ARL1: variants seen among roughly 807,000 people sequenced by gnomAD.
ARL1 encodes the protein ADP-ribosylation factor-like protein 1.
In ARL1, 17 loss-of-function variants were observed where a neutral mutation model predicts 30.1. The ratio of observed to expected loss-of-function variants is 0.56; its 90% CI spans 0.39 to 0.85. The LOEUF (loss-of-function observed/expected upper bound fraction) is 0.85, where lower values mean the gene tolerates loss of function less well. Among genes scored for constraint, ARL1 ranks in the 40% least tolerant of loss-of-function variants. The probability of loss-of-function intolerance (pLI) is 0.00; values close to 1 mark genes in which losing one functional copy is unlikely to be tolerated. For missense variants in ARL1, 102 were observed against 212.6 expected (o/e 0.48, Z 3.24); for synonymous variants, 58 against 71.7 (o/e 0.81, Z 0.97).
Position 101,395,576 on chromosome 12 carries a change from T to G in ARL1, c.*64A>C. On this transcript the variant is annotated 3_prime_UTR_variant, in exon 6 of 6. Transcript: ENST00000261636. The stretch of plus-strand genomic sequence containing the variant: ...TAACATCTAGTAGTGTGAAGTACAC[T>G]TGACTGTTTCCAAAGGGAGAGAGGT... 1 of 1,342,072 alleles carries G rather than the reference T, an allele frequency of 7.5e-7. No homozygotes were observed. The highest frequency in any genetic ancestry group is 1.3e-5 in the South Asian group (1 of 79,506). The allele number at this position is 1,342,072 out of a possible 1,614,324, so 83.1% of individuals were successfully genotyped here. A position where few individuals can be genotyped will look rare whatever the true frequency, so the allele number is the denominator to read the frequency against.
chr12:101,400,118 T>C (rs545264973), intron 4 of ARL1, among the ~76,000 whole-genome samples: 13 of 151,978 alleles, frequency 8.6e-5, no homozygotes, highest in Non-Finnish European at 1.8e-4. Context: ...TCAGTAGAGA[T>C]GAGGTTTCAC....
chr12:101,405,101 C>T (rs960285863), intron 2 of ARL1, among the ~76,000 whole-genome samples: 25 of 152,156 alleles, frequency 1.6e-4, no homozygotes, highest in African/African-American at 5.8e-4. Flanking sequence ...CAACTCCCGA[C>T]CTCAGGTGAT....
Position 101,393,483 on chromosome 12 carries a change from T to A in ARL1, c.*2157A>T, listed in dbSNP as rs1236955283. On this transcript the variant is annotated 3_prime_UTR_variant, in exon 6 of 6. Transcript: ENST00000261636. ...GATTTCAAGTTTGGTGTTTTACCCA[T>A]TGCCAGGCCTCTCATAAAACAATAT... 6.6e-6 allele frequency: 1 copy of A among 152,214 alleles called. No homozygotes were observed. The highest frequency in any genetic ancestry group is 2.4e-5 in the African/African-American group (1 of 41,452). The allele number at this position is 152,214 out of a possible 1,614,324, so 9.4% of individuals were successfully genotyped here. A position where few individuals can be genotyped will look rare whatever the true frequency, so the allele number is the denominator to read the frequency against.
At chr12:101,406,169 C>T (rs1336344362) in intron 1 of ARL1, among the ~76,000 whole-genome samples, 188 bp from the exon 2 acceptor site, 14 of 152,162 alleles carry the variant, frequency 9.2e-5, no homozygotes, top group Admixed American at 9.2e-4. Flanking sequence ...AGTTATGTTA[C>T]TATGTCCTTA....
intron 4 of ARL1, among the ~76,000 whole-genome samples, chr12:101,400,801 T>C (rs545667588): frequency 5.9e-5 from 9 of 152,332 alleles, no homozygotes; most frequent in African/African-American, 2.2e-4. Context: ...TTAGAATAGA[T>C]GCTTTTGTTT....
At chr12:101,404,865 T>C (rs1237546407) in intron 2 of ARL1, among the ~76,000 whole-genome samples, 2 of 152,190 alleles carry the variant, frequency 1.3e-5, no homozygotes, top group Non-Finnish European at 2.9e-5. Context: ...TTAATAAATA[T>C]ATACATATAC....
chr12:101,398,156 G>A (rs1871200409), intron 4 of ARL1, among the ~76,000 whole-genome samples: 1 of 151,938 alleles, frequency 6.6e-6, no homozygotes, highest in East Asian at 2.0e-4. Flanking sequence ...CCAGCACTTT[G>A]GGAGGCTGAG....
chr12:101,394,268 A>T lies in ARL1; in HGVS notation c.*1372T>A, dbSNP rs934151905. The T allele has an allele frequency of 6.6e-6, 1 of 152,190 alleles. No individual in the cohort carries two copies. The highest frequency in any genetic ancestry group is 1.5e-5 in the Non-Finnish European group (1 of 68,034). The allele number at this position is 152,190 out of a possible 1,614,324, so 9.4% of individuals were successfully genotyped here. On this transcript the variant is annotated 3_prime_UTR_variant, in exon 6 of 6. Coordinates refer to ENST00000261636, the MANE Select transcript of ARL1 (RefSeq NM_001177.6). ...AAGAAAGGAACTACTAATGTTTCTG[A>T]GACCTGCAGGGAACCATGGTATTAA...
chr12:101,393,830 C>T lies in ARL1; in HGVS notation c.*1810G>A, dbSNP rs11555441. On this transcript the variant is annotated 3_prime_UTR_variant, in exon 6 of 6. Transcript: ENST00000261636. ...TTATAAGCCTCAGGCTGTAAGTGAA[C>T]TTGCTTTCTGCATTTTCCAGCCATG... is the stretch of plus-strand genomic sequence containing the variant. The T allele has an allele frequency of 0.18, 27,133 of 152,042 alleles. 3,012 individuals are homozygous for T. The highest frequency in any genetic ancestry group is 0.37 in the East Asian group (1,904 of 5,168). 9.4% of individuals were successfully genotyped at this position (152,042 alleles called of 1,614,324 possible).
intron 4 of ARL1, among the ~76,000 whole-genome samples, chr12:101,399,583 C>G (rs1452812328): frequency 1.3e-5 from 2 of 149,698 alleles, no homozygotes; most frequent in African/African-American, 5.0e-5. Flanking sequence ...ATGCTTTTAC[C>G]TAGGTATCAA....
intron 4 of ARL1, among the ~76,000 whole-genome samples, chr12:101,399,216 G>A (rs1871233763): frequency 6.6e-6 from 1 of 152,060 alleles, no homozygotes; most frequent in Admixed American, 6.6e-5. Context: ...AAAGTCCTGG[G>A]CTGAGCGCGG....
At position 101,396,483 on chromosome 12, in the gene ARL1, C is replaced by T. The variant is rs1428802587; in HGVS notation, c.431G>A (p.Gly144Glu). The T allele has an allele frequency of 1.5e-5, 25 of 1,613,846 alleles. No homozygotes were observed. The Admixed American group carries it at 4.2e-4, about 27-fold the overall frequency. ...TTTTCGGTCCTTCAAGGCAGGTAACCCAAGTGAATTTGCCATCTCTGAGGA... is the reference window on the plus strand; with the variant it reads ...TTTTCGGTCCTTCAAGGCAGGTAACTCAAGTGAATTTGCCATCTCTGAGGA... ...MTSSEMANSL[G>E]LPALKDRKWQ... Residue 144 changes from glycine to glutamate, a missense_variant, in exon 5 of 6, where the codon GGG (glycine) becomes GAG (glutamate). Gly to Glu is a moderately conservative substitution (Grantham distance 98). Coordinates refer to ENST00000261636, the MANE Select transcript of ARL1 (RefSeq NM_001177.6).
intron 3 of ARL1, among the ~76,000 whole-genome samples, chr12:101,402,644 C>T (rs559492448): frequency 2.0e-5 from 3 of 152,216 alleles, no homozygotes; most frequent in South Asian, 4.1e-4. Flanking sequence ...TTGAGATTTT[C>T]GTGAAAAGAT....
At position 101,393,653 on chromosome 12, in the gene ARL1, G is replaced by A. The variant is rs1871070403; in HGVS notation, c.*1987C>T. On this transcript the variant is annotated 3_prime_UTR_variant, in exon 6 of 6. Coordinates refer to ENST00000261636, the MANE Select transcript of ARL1 (RefSeq NM_001177.6). ...ATCCTATTCTTTGTGATAAACCAGA[G>A]GGATCAGGCTTAACCAAGTGCTGAA... The A allele has an allele frequency of 3.3e-5, 5 of 152,252 alleles. No individual in the cohort carries two copies. In the South Asian group the frequency reaches 1.0e-3, roughly 32 times the overall value. 9.4% of individuals were successfully genotyped at this position (152,252 alleles called of 1,614,324 possible).
chr12:101,399,749 GATTA>G (rs1871253418), intron 4 of ARL1, among the ~76,000 whole-genome samples: 2 of 151,674 alleles, frequency 1.3e-5, no homozygotes, highest in South Asian at 4.2e-4. Context: ...TTTAAAAATG[GATTA>G]TTTAATGCAT....
chr12:101,393,961 A>G lies in ARL1; in HGVS notation c.*1679T>C, dbSNP rs1871079032. ...AACTATGAACATATTCTGAAATGCCATATGCCAGGCGCCATACCAGATACT... is the reference window on the plus strand; with the variant it reads ...AACTATGAACATATTCTGAAATGCCGTATGCCAGGCGCCATACCAGATACT... On this transcript the variant is annotated 3_prime_UTR_variant, in exon 6 of 6. Coordinates refer to ENST00000261636, the MANE Select transcript of ARL1 (RefSeq NM_001177.6). The G allele has an allele frequency of 6.6e-6, 1 of 151,436 alleles. No homozygotes were observed. Among genetic ancestry groups the G allele is most frequent in the Non-Finnish European group, 1.5e-5 (1 of 67,960 alleles). The allele number at this position is 151,436 out of a possible 1,614,324, so 9.4% of individuals were successfully genotyped here.
Position 101,407,622 on chromosome 12 carries a change from GC to G in ARL1, c.4+19del. The G allele has an allele frequency of 6.2e-7, 1 of 1,610,204 alleles. No individual in the cohort carries two copies. The highest frequency in any genetic ancestry group is 1.1e-5 in the South Asian group (1 of 91,052). ...GCGGCTCCCTCGAGCGCGCCCAGGTGCCCTTCTCGAACCCCTCACCCATGAT... is the reference window on the plus strand; with the variant it reads ...GCGGCTCCCTCGAGCGCGCCCAGGTGCCTTCTCGAACCCCTCACCCATGAT... On this transcript the variant is annotated intron_variant, in intron 1 of 5. Coordinates refer to ENST00000261636, the MANE Select transcript of ARL1 (RefSeq NM_001177.6).
intron 2 of ARL1, among the ~76,000 whole-genome samples, chr12:101,405,117 C>T (rs904023139): frequency 2.8e-4 from 42 of 152,138 alleles, no homozygotes; most frequent in Admixed American, 9.8e-4. Context: ...GTGATCCACC[C>T]GCCTTGGCCT....
intron 4 of ARL1, among the ~76,000 whole-genome samples, chr12:101,398,896 C>T (rs552561451): frequency 6.6e-6 from 1 of 152,234 alleles, no homozygotes; most frequent in East Asian, 1.9e-4. Context: ...CCTAACACTG[C>T]AAGTAACAAC....
Sources: allele counts gnomAD v4.1 joint callset (sites outside exome capture counted in the v4.1 genomes callset), GRCh38; gene constraint gnomAD v4.1.1; transcripts MANE v1.5; gene names NCBI Gene and HGNC (gene_info 2026-07-23, HGNC 2026-07-21).